KAZN: variants seen among roughly 807,000 people sequenced by gnomAD.
KAZN encodes kazrin.
In KAZN, 40 loss-of-function variants were observed where a neutral mutation model predicts 87.4. That is an observed-to-expected ratio of 0.46 (90% CI 0.36 to 0.60). KAZN has a LOEUF of 0.60. KAZN is among the 20% of genes least tolerant of loss of function. The pLI, the probability that KAZN is intolerant of heterozygous loss-of-function variation, is 0.00. For missense variants in KAZN, 898 were observed against 1,073.9 expected (o/e 0.84, Z 2.29); for synonymous variants, 466 against 458.3 (o/e 1.02, Z -0.22).
At chr1:14,883,503 T>A (rs1653713015) in intron 1 of KAZN, among the ~76,000 whole-genome samples, 1 of 146,780 alleles carries the variant, frequency 6.8e-6, no homozygotes, top group African/African-American at 2.7e-5. Flanking sequence ...CTGTCCCACC[T>A]TTTTCAAAGG....
intron 2 of KAZN, among the ~76,000 whole-genome samples, chr1:14,244,155 C>G (rs1649275391): frequency 6.6e-6 from 1 of 152,224 alleles, no homozygotes; most frequent in Non-Finnish European, 1.5e-5. Flanking sequence ...ACCCTCTTTT[C>G]AGTTCCTTGA....
At chr1:14,682,794 G>A (rs1369551572) in intron 1 of KAZN, among the ~76,000 whole-genome samples, 1 of 152,096 alleles carries the variant, frequency 6.6e-6, no homozygotes. Context: ...AGACCCAGGA[G>A]GTCTTTAAAT....
At position 14,547,229 on chromosome 1, in the gene KAZN, C is replaced by T. The variant is rs113803911; in HGVS notation, c.250-51754C>T. On this transcript the variant is annotated intron_variant, in intron 2 of 16. Transcript: ENST00000636203. ...CCTTCTCAATGCAAGCTACCTTTGG[C>T]CTATGTCCTGCCTATATTTGGAATA... Among the ~76,000 whole-genome samples the T allele has an allele frequency of 3.8e-4, 58 of 152,286 alleles. 1 individual carries two copies. Among genetic ancestry groups the T allele is most frequent in the South Asian group, 2.1e-4 (1 of 4,826 alleles).
chr1:15,019,591 G>T (rs1308725002), intron 2 of KAZN, among the ~76,000 whole-genome samples: 1 of 152,006 alleles, frequency 6.6e-6, no homozygotes, highest in East Asian at 1.9e-4. Context: ...GTTTCGCCAT[G>T]TTGGCCAGGC....
At chr1:14,050,750 C>A (rs536546355) in intron 1 of KAZN, among the ~76,000 whole-genome samples, 1 of 152,282 alleles carries the variant, frequency 6.6e-6, no homozygotes, top group African/African-American at 2.4e-5. Context: ...GAGCTCTCAG[C>A]CAGCCTTGCG....
chr1:15,055,015 T>A (rs1674801597), intron 4 of KAZN, among the ~76,000 whole-genome samples: 1 of 152,160 alleles, frequency 6.6e-6, no homozygotes, highest in Non-Finnish European at 1.5e-5. Context: ...TCCTTGCTAG[T>A]TCTGCAGAAG....
intron 1 of KAZN, among the ~76,000 whole-genome samples, chr1:14,149,475 A>G (rs1645428536): frequency 2.0e-5 from 3 of 152,108 alleles, no homozygotes; most frequent in African/African-American, 7.2e-5. Flanking sequence ...GATCTTGCCC[A>G]GTCCCAAGTC....
At chr1:14,692,446 C>A in intron 1 of KAZN, 1 of 243,396 alleles carries the variant, frequency 4.1e-6, no homozygotes, top group Non-Finnish European at 7.9e-6. Flanking sequence ...TCAACTTTTT[C>A]TTGTAATATC....
rs538743213 is a variant in KAZN, at chr1:14,852,558, G to C, written c.227-108126G>C. 3.5e-4 allele frequency among the ~76,000 whole-genome samples: 54 copies of C among 152,286 alleles called. 1 individual carries two copies. In the South Asian group the frequency reaches 0.011, roughly 30 times the overall value. On this transcript the variant is annotated intron_variant, in intron 1 of 14. Transcript: ENST00000376030. ...TTCCCACTGTCTAGGCTTGGTCAGC[G>C]TTTTCAGCCTCTGCCCATGCCAGGA...
At chr1:14,322,469 C>G (rs1407114052) in intron 2 of KAZN, among the ~76,000 whole-genome samples, 1 of 152,144 alleles carries the variant, frequency 6.6e-6, no homozygotes, top group Non-Finnish European at 1.5e-5. Context: ...TTGACAGCCT[C>G]TAAACTGTCT....
At chr1:14,795,977 C>T (rs1422625917) in intron 1 of KAZN, among the ~76,000 whole-genome samples, 1 of 152,186 alleles carries the variant, frequency 6.6e-6, no homozygotes, top group Non-Finnish European at 1.5e-5. Context: ...CTATACTGTA[C>T]ATTTGCTGTG....
chr1:14,336,908 T>TTGATA (rs1657310296), intron 2 of KAZN, among the ~76,000 whole-genome samples: 1 of 152,228 alleles, frequency 6.6e-6, no homozygotes, highest in Admixed American at 6.5e-5. Context: ...TTTCTCCATC[T>TTGATA]TGATAGTGTC....
At chr1:14,186,458 G>C (rs1646308455) in intron 2 of KAZN, among the ~76,000 whole-genome samples, 1 of 152,148 alleles carries the variant, frequency 6.6e-6, no homozygotes, top group South Asian at 2.1e-4. Context: ...AAAGATAGGA[G>C]AGAGGGTAGC....
chr1:14,117,235 C>A (rs892950122), intron 1 of KAZN, among the ~76,000 whole-genome samples: 1 of 152,128 alleles, frequency 6.6e-6, no homozygotes, highest in Non-Finnish European at 1.5e-5. Context: ...TGTCCCCATC[C>A]AAATCTCATC....
intron 1 of KAZN, among the ~76,000 whole-genome samples, chr1:14,623,464 C>CCT (rs892352630): frequency 1.3e-5 from 2 of 152,044 alleles, no homozygotes; most frequent in African/African-American, 4.8e-5. Flanking sequence ...CTGGGGCCTA[C>CCT]CTGAGGGTGG....
At chr1:15,068,006 T>C (rs952296888) in intron 8 of KAZN, 26 of 798,736 alleles carry the variant, frequency 3.3e-5, no homozygotes, top group Non-Finnish European at 3.9e-5. Context: ...AAGGATGATT[T>C]ATTTAAGAGA....
rs1001489720 is a variant in KAZN at position 14,000,266 on chromosome 1, A to G, written c.91+106510A>G. On this transcript the variant is annotated intron_variant, in intron 1 of 16. Coordinates refer to the KAZN transcript ENST00000636203. ...CAAAAAAAGAAAACTTCAGGCCAAT[A>G]TCCCTGATGAACATCGATGCAAAAA... is the stretch of plus-strand genomic sequence containing the variant. 3.9e-5 allele frequency among the ~76,000 whole-genome samples: 6 copies of G among 152,336 alleles called. No homozygotes were observed. The South Asian group carries it at 1.2e-3, about 32-fold the overall frequency.
chr1:15,057,350 C>T (rs2100498105), intron 5 of KAZN, among the ~76,000 whole-genome samples: 1 of 152,348 alleles, frequency 6.6e-6, no homozygotes, highest in African/African-American at 2.4e-5. Flanking sequence ...CTTCCTTTAC[C>T]TACTTCATGG....
intron 2 of KAZN, among the ~76,000 whole-genome samples, chr1:14,380,648 G>T (rs1661287187): frequency 6.6e-6 from 1 of 152,088 alleles, no homozygotes; most frequent in Non-Finnish European, 1.5e-5. Context: ...GCTGAAGACA[G>T]ACCATTTGAA....
Sources: gnomAD v4.1 joint callset for allele counts (sites outside exome capture counted in the v4.1 genomes callset) on GRCh38, gnomAD v4.1.1 for gene constraint, MANE v1.5 for transcripts, NCBI Gene and HGNC (gene_info 2026-07-23, HGNC 2026-07-21) for gene names.